CCNB3: variants seen among roughly 807,000 people sequenced by gnomAD.
CCNB3 encodes G2/mitotic-specific cyclin-B3.
Under a neutral mutation model 68.0 loss-of-function variants are expected in CCNB3, and 12 were observed. That is an observed-to-expected ratio of 0.18 (90% confidence interval 0.11 to 0.29). The LOEUF is 0.29. Among genes scored for constraint, CCNB3 ranks in the 10% least tolerant of loss-of-function variants. The pLI is 1.00. For missense variants in CCNB3, 904 were observed against 993.1 expected (o/e 0.91, Z 1.21); for synonymous variants, 354 against 388.9 (o/e 0.91, Z 1.06).
At chrX:50,280,105 A>G (rs1936095466) in intron 1 of CCNB3, among the ~76,000 whole-genome samples, 1 of 91,096 alleles carries the variant, frequency 1.1e-5, no homozygotes, top group African/African-American at 4.2e-5. Flanking sequence ...AAATATATAT[A>G]TAGAATATAT....
At chrX:50,295,358 G>C (rs187329632) in intron 5 of CCNB3, among the ~76,000 whole-genome samples, 308 of 111,329 alleles carry the variant, frequency 2.8e-3, no homozygotes, top group Non-Finnish European at 4.9e-3. Flanking sequence ...TTGCCAGTCA[G>C]CTTATTCCAT....
intron 8 of CCNB3, among the ~76,000 whole-genome samples, chrX:50,315,672 C>T (rs1921691650): frequency 2.7e-5 from 3 of 111,522 alleles, no homozygotes; most frequent in Admixed American, 1.9e-4. Context: ...TATTTGTTCA[C>T]GTGTACATTT....
chrX:50,203,633 G>A (rs1157726184), upstream of CCNB3, among the ~76,000 whole-genome samples: 1 of 112,098 alleles, frequency 8.9e-6, no homozygotes, highest in Admixed American at 9.4e-5. Flanking sequence ...AATTACTTCT[G>A]TCAAGTGTTT....
chrX:50,339,650 G>T (rs1200821861), intron 8 of CCNB3, among the ~76,000 whole-genome samples: 1 of 111,909 alleles, frequency 8.9e-6, no homozygotes, highest in Non-Finnish European at 1.9e-5. Context: ...AGAAAAAATA[G>T]AGGTTTGATT....
chrX:50,204,263 A>G (rs1935311385), upstream of CCNB3, among the ~76,000 whole-genome samples: 1 of 111,741 alleles, frequency 8.9e-6, no homozygotes. Context: ...CCAGAGCAGT[A>G]ATTGTCACAC....
At chrX:50,208,997 C>T (rs1935428312) in intron 1 of CCNB3, among the ~76,000 whole-genome samples, 2 of 111,790 alleles carry the variant, frequency 1.8e-5, no homozygotes, top group African/African-American at 6.5e-5. Flanking sequence ...TCATCCATTT[C>T]TTTAAGTTGT....
At chrX:50,279,639 A>C (rs1054957057) in intron 1 of CCNB3, among the ~76,000 whole-genome samples, 8 of 75,603 alleles carry the variant, frequency 1.1e-4, no homozygotes, top group Non-Finnish European at 1.9e-4. Flanking sequence ...TAAATATATG[A>C]ATATGTACAT....
At chrX:50,328,763 C>T (rs1217738753) in intron 8 of CCNB3, among the ~76,000 whole-genome samples, 1 of 111,819 alleles carries the variant, frequency 8.9e-6, no homozygotes, top group East Asian at 2.8e-4. Flanking sequence ...GTTCCTTTTA[C>T]CTATGAACCT....
At chrX:50,285,005 C>T (rs748411151) in intron 2 of CCNB3, 122 bp from the exon 3 acceptor site, 429 of 440,506 alleles carry the variant, frequency 9.7e-4, no homozygotes, top group Non-Finnish European at 1.4e-3. Context: ...TCCAGATCTT[C>T]CCAACATCAA....
intron 10 of CCNB3, 59 bp downstream of exon 10, chrX:50,346,866 C>G: frequency 3.6e-6 from 4 of 1,106,620 alleles, no homozygotes; most frequent in Non-Finnish European, 4.8e-6. Context: ...CCTTTATACC[C>G]AGAGTAGCTG....
chrX:50,298,381 T>G (rs1441359192), intron 5 of CCNB3, among the ~76,000 whole-genome samples: 3 of 111,688 alleles, frequency 2.7e-5, no homozygotes, highest in Admixed American at 9.5e-5. Context: ...CTGCATCTAT[T>G]GAGATAATCA....
chrX:50,219,109 A>G (rs897987583), intron 1 of CCNB3, among the ~76,000 whole-genome samples: 1 of 110,731 alleles, frequency 9.0e-6, no homozygotes, highest in Non-Finnish European at 1.9e-5. Flanking sequence ...TCATTTTTTG[A>G]TGGGGTTGTT....
chrX:50,283,154 T>A (rs1218023526), intron 1 of CCNB3, among the ~76,000 whole-genome samples: 1 of 111,825 alleles, frequency 8.9e-6, no homozygotes, highest in Non-Finnish European at 1.9e-5. Context: ...TTATAGCTGT[T>A]TTGAAAATGA....
intron 1 of CCNB3, among the ~76,000 whole-genome samples, chrX:50,226,909 A>G (rs1433796298): frequency 1.4e-5 from 1 of 69,867 alleles, no homozygotes; most frequent in Non-Finnish European, 2.3e-5. Flanking sequence ...TATAGAATAT[A>G]TAGTATATAT....
chrX:50,343,398 A>G (rs1453226612), intron 9 of CCNB3, among the ~76,000 whole-genome samples: 1 of 112,141 alleles, frequency 8.9e-6, no homozygotes, highest in Non-Finnish European at 1.9e-5. Flanking sequence ...TTTTAATAAA[A>G]AAGTTTAAAA....
At position 50,310,252 on chromosome X, in the gene CCNB3, G is replaced by A. The variant is rs1921351355; in HGVS notation, c.2083G>A (p.Val695Ile). 3 of 1,210,806 alleles carry A rather than the reference G, an allele frequency of 2.5e-6. No individual in the cohort carries two copies. The highest frequency in any genetic ancestry group is 2.2e-5 in the Admixed American group (1 of 45,978). ...KSGSLFQEAL[V>I]LQEKTDAEED... is the part of the protein sequence containing the mutation. ...TGGGTCCCTCTTCCAGGAGGCTTTGGTCTTGCAAGAGAAGACTGATGCCGA... is the reference window on the plus strand; with the variant it reads ...TGGGTCCCTCTTCCAGGAGGCTTTGATCTTGCAAGAGAAGACTGATGCCGA... The change falls in exon 6 of 13, where the codon GTC becomes ATC. Residue 695 changes from valine (V) to isoleucine (I), a missense_variant. Coordinates refer to ENST00000376042, the MANE Select transcript of CCNB3 (RefSeq NM_033031.3).
chrX:50,351,505 A>G (rs1923677869), intron 12 of CCNB3, 102 bp from the exon 13 acceptor site: 2 of 1,045,634 alleles, frequency 1.9e-6, no homozygotes, highest in Non-Finnish European at 2.6e-6. Flanking sequence ...CTCTAGGGTT[A>G]AAGCAAGATA....
Position 50,311,502 on chromosome X carries a change from C to T in CCNB3, c.3327+6C>T. ...CCAAGGGAACACCAAAGGAGGTATT[C>T]ATCTCCCTTTCTTCTTAAATTAGAT... On this transcript the variant is annotated splice_donor_region_variant and intron_variant, in intron 6 of 12. Coordinates refer to ENST00000376042, the MANE Select transcript of CCNB3 (RefSeq NM_033031.3). 8.8e-7 allele frequency: 1 copy of T among 1,138,331 alleles called. No individual in the cohort carries two copies. The highest frequency in any genetic ancestry group is 1.2e-6 in the Non-Finnish European group (1 of 837,629). The allele number at this position is 1,138,331 out of a possible 1,213,427, so 93.8% of individuals were successfully genotyped here. A position where few individuals can be genotyped will look rare whatever the true frequency, so the allele number is the denominator to read the frequency against.
intron 11 of CCNB3, among the ~76,000 whole-genome samples, chrX:50,350,640 G>A (rs782571687): frequency 1.2e-4 from 13 of 110,705 alleles, no homozygotes; most frequent in Middle Eastern, 4.7e-3. Context: ...AATCAGTCCC[G>A]TTCCTTAGGA....
Sources: gnomAD v4.1 joint callset for allele counts (sites outside exome capture counted in the v4.1 genomes callset) on GRCh38, gnomAD v4.1.1 for gene constraint, MANE v1.5 for transcripts, NCBI Gene and HGNC (gene_info 2026-07-23, HGNC 2026-07-21) for gene names.